Variants in NR4A3 observed in about 807,000 individuals in gnomAD.
NR4A3 encodes nuclear receptor subfamily 4 group A member 3.
A neutral mutation model predicts 55.6 loss-of-function variants in NR4A3; 13 were observed. The ratio of observed to expected loss-of-function variants is 0.23; its 90% confidence interval spans 0.15 to 0.37. NR4A3 has a LOEUF of 0.37. Among genes scored for constraint, NR4A3 ranks in the 10% least tolerant of loss-of-function variants. The pLI, the probability that NR4A3 is intolerant of heterozygous loss-of-function variation, is 1.00. For missense variants in NR4A3, 646 were observed against 822.8 expected, an observed-to-expected ratio of 0.79 and a Z score of 2.63; for synonymous variants, 342 against 357.9, an observed-to-expected ratio of 0.96 and a Z score of 0.50.
chr9:99,829,942 G>A (rs1239056389), intron 3 of NR4A3, among the ~76,000 whole-genome samples: 1 of 152,186 alleles, frequency 6.6e-6, no homozygotes, highest in African/African-American at 2.4e-5. Flanking sequence ...GATTTGTCCT[G>A]ACTCCTGAGT....
chr9:99,832,858 A>G, intron 4 of NR4A3, 40 bp downstream of exon 4: 7 of 1,409,762 alleles, frequency 5.0e-6, no homozygotes, highest in Non-Finnish European at 5.6e-6. Flanking sequence ...GCTTATACAT[A>G]TTATCAGAAA....
intron 7 of NR4A3, among the ~76,000 whole-genome samples, chr9:99,851,685 G>A (rs1827852294): frequency 6.6e-6 from 1 of 152,158 alleles, no homozygotes. Flanking sequence ...ACAGTGGTTG[G>A]CTTTCAAACG....
chr9:99,864,785 G>A lies in NR4A3; in HGVS notation c.*918G>A, dbSNP rs1163279966. 4.5e-6 allele frequency: 1 copy of A among 223,336 alleles called. No homozygotes were observed. The highest frequency in any genetic ancestry group is 9.0e-6 in the Non-Finnish European group (1 of 111,672). The allele number at this position is 223,336 out of a possible 1,614,324, so 13.8% of individuals were successfully genotyped here. ...ACCAGAGTTCCCTAAACTTGCTTCA[G>A]TTATAGTAACTGACTGGTATATTCA... On this transcript the variant is annotated 3_prime_UTR_variant, in exon 8 of 8. Coordinates refer to ENST00000395097, the MANE Select transcript of NR4A3 (RefSeq NM_006981.4).
chr9:99,851,137 C>T (rs1006531981), intron 7 of NR4A3, among the ~76,000 whole-genome samples: 3 of 152,184 alleles, frequency 2.0e-5, no homozygotes. Flanking sequence ...GTGGTTTTAG[C>T]CTACAACAAA....
At chr9:99,849,981 T>G (rs1827820223) in intron 7 of NR4A3, among the ~76,000 whole-genome samples, 1 of 152,174 alleles carries the variant, frequency 6.6e-6, no homozygotes, top group East Asian at 1.9e-4. Context: ...GCAGAGGATG[T>G]CTCCAGGCTA....
In NR4A3 at chr9:99,822,756, G is replaced by GGCGGCGGCGGCAGCGGCA. The variant is rs1827206206; in HGVS notation, c.-177+355_-177+372dup. 1.3e-5 allele frequency among the ~76,000 whole-genome samples: 2 copies of GGCGGCGGCGGCAGCGGCA among 152,138 alleles called. No individual in the cohort carries two copies. Among genetic ancestry groups the GGCGGCGGCGGCAGCGGCA allele is most frequent in the Admixed American group, 6.5e-5 (1 of 15,284 alleles). On this transcript the variant is annotated intron_variant, in intron 1 of 7. Coordinates refer to ENST00000395097, the MANE Select transcript of NR4A3 (RefSeq NM_006981.4). This position sits in a 1 kb window ranked among gnomAD's most constrained non-coding sequence, Gnocchi z 4.9. The stretch of plus-strand genomic sequence containing the variant: ...TGGTAATGATGCTCTCGGCGGCGGC[G>GGCGGCGGCGGCAGCGGCA]GCGGCGGCGGCAGCGGCAGCGGCAG...
chr9:99,832,763 C>T lies in NR4A3; in HGVS notation c.1026C>T (p.Asn342=). The stretch of plus-strand genomic sequence containing the variant: ...GCCCAGTAGACAAGAGACGTCGAAA[C>T]CGATGTCAGTACTGTCGATTTCAGA... ...KNCPVDKRRR[N]RCQYCRFQKC... The change falls in exon 4 of 8, where the codon AAC becomes AAT. Residue 342 remains asparagine, a synonymous_variant. Coordinates refer to ENST00000395097, the MANE Select transcript of NR4A3 (RefSeq NM_006981.4). 6.2e-7 allele frequency: 1 copy of T among 1,608,956 alleles called. No individual in the cohort carries two copies. Among genetic ancestry groups the T allele is most frequent in the Non-Finnish European group, 8.5e-7 (1 of 1,176,386 alleles).
intron 7 of NR4A3, among the ~76,000 whole-genome samples, chr9:99,856,512 C>T (rs772771014): frequency 4.6e-5 from 7 of 152,114 alleles, no homozygotes; most frequent in Non-Finnish European, 7.4e-5. Context: ...AGGCCATGGA[C>T]CAATACCAAT....
At chr9:99,857,561 C>T (rs576385503) in intron 7 of NR4A3, among the ~76,000 whole-genome samples, 2 of 151,858 alleles carry the variant, frequency 1.3e-5, no homozygotes, top group African/African-American at 2.4e-5. Context: ...CCAAGGCAGG[C>T]GGATCACAAG....
Position 99,862,822 on chromosome 9 carries a change from A to T in NR4A3, c.1634-798A>T, listed in dbSNP as rs549966989. Among the ~76,000 whole-genome samples the T allele has an allele frequency of 3.6e-3, 546 of 152,294 alleles. 5 individuals are homozygous for T. Among genetic ancestry groups the T allele is most frequent in the Middle Eastern group, 6.8e-3 (2 of 294 alleles). On this transcript the variant is annotated intron_variant, in intron 7 of 7. Coordinates refer to ENST00000395097, the MANE Select transcript of NR4A3 (RefSeq NM_006981.4). ...TTTTATATATTGTTTTGTAAAATAT[A>T]AGATACTGGTATTTGTGTCTTAATA...
chr9:99,865,842 GATA>G lies in NR4A3; in HGVS notation c.*1976_*1978del. On this transcript the variant is annotated 3_prime_UTR_variant, in exon 8 of 8. Coordinates refer to ENST00000395097, the MANE Select transcript of NR4A3 (RefSeq NM_006981.4). This position sits in a 1 kb window ranked among gnomAD's most constrained non-coding sequence, Gnocchi z 4.3. ...GATTGTTATTTTTATATATCAAGAT[GATA>G]GAACCTGGAATGTTAGGATTTTGAA... The G allele has an allele frequency of 4.7e-6, 1 of 212,174 alleles. No individual in the cohort carries two copies. Among genetic ancestry groups the G allele is most frequent in the Middle Eastern group, 1.6e-3 (1 of 640 alleles). The allele number at this position is 212,174 out of a possible 1,614,324, so 13.1% of individuals were successfully genotyped here.
chr9:99,827,957 G>A (rs1587871992), intron 2 of NR4A3, 84 bp from the exon 3 acceptor site: 1 of 1,485,488 alleles, frequency 6.7e-7, no homozygotes, highest in East Asian at 2.3e-5. Flanking sequence ...TCCCAGATTA[G>A]AGAACAGTGA....
chr9:99,845,973 A>C (rs535716563), intron 6 of NR4A3, among the ~76,000 whole-genome samples: 1 of 152,332 alleles, frequency 6.6e-6, no homozygotes, highest in South Asian at 2.1e-4. Flanking sequence ...GGCATGCAAC[A>C]AAGGATTAAG....
Position 99,828,175 on chromosome 9 carries a change from A to C in NR4A3, c.133A>C (p.Thr45Pro). 1.2e-6 allele frequency: 2 copies of C among 1,614,150 alleles called. No homozygotes were observed. Among genetic ancestry groups the C allele is most frequent in the Non-Finnish European group, 1.7e-6 (2 of 1,180,026 alleles). Residue 45 changes from threonine to proline, a missense_variant, in exon 3 of 8, where the codon ACT (threonine) becomes CCT (proline). By Grantham distance (38) the Thr-to-Pro change is conservative. Transcript: ENST00000395097. This position sits in a 1 kb window ranked among gnomAD's most constrained non-coding sequence, Gnocchi z 7.7. ...YTKLTMDLGS[T>P]EITATATTSL... Reference sequence around the variant, plus strand: ...CAAGCTGACCATGGACCTTGGCAGCACTGAGATCACGGCTACAGCCACCAC... The same window carrying C: ...CAAGCTGACCATGGACCTTGGCAGCCCTGAGATCACGGCTACAGCCACCAC...
intron 3 of NR4A3, 148 bp downstream of exon 3, chr9:99,829,141 C>T (rs1827390341): frequency 9.9e-7 from 1 of 1,009,394 alleles, no homozygotes; most frequent in Non-Finnish European, 1.3e-6. Flanking sequence ...AGCACCTTCA[C>T]ATCCATTTTC....
chr9:99,836,592 T>C (rs768457042), intron 5 of NR4A3, among the ~76,000 whole-genome samples: 5 of 152,178 alleles, frequency 3.3e-5, no homozygotes, highest in Non-Finnish European at 5.9e-5. Context: ...TTTGGTGAAA[T>C]TGGGTCACTC....
intron 5 of NR4A3, among the ~76,000 whole-genome samples, chr9:99,837,036 T>C (rs980361467): frequency 1.3e-5 from 2 of 152,220 alleles, no homozygotes; most frequent in South Asian, 4.1e-4. Flanking sequence ...AGGTTTTTTA[T>C]CTATTTTTAA....
rs1236803096 is a variant in NR4A3 at position 99,862,573 on chromosome 9, AAAAAAAAAAAG to A, written c.1634-1045_1634-1035del. ...TCAAAAAAAAAAAAAAAAAAAAAAA[AAAAAAAAAAAG>A]AGAGAGAAATGAGGCTCTGAAGTCT... is the stretch of plus-strand genomic sequence containing the variant. On this transcript the variant is annotated intron_variant, in intron 7 of 7. Transcript: ENST00000395097. 1.0e-3 allele frequency among the ~76,000 whole-genome samples: 117 copies of A among 117,458 alleles called. 3 individuals carry two copies. The highest frequency in any genetic ancestry group is 4.2e-3 in the African/African-American group (110 of 25,902). The allele number at this position is 117,458 out of a possible 152,430, so 77.1% of individuals were successfully genotyped here.
Position 99,828,864 on chromosome 9 carries a change from T to C in NR4A3, c.822T>C (p.Ser274=). Residue 274 remains serine, a synonymous_variant, in exon 3 of 8, where the codon AGT becomes AGC. Coordinates refer to ENST00000395097, the MANE Select transcript of NR4A3 (RefSeq NM_006981.4). This position sits in a 1 kb window ranked among gnomAD's most constrained non-coding sequence, Gnocchi z 7.7. Reference sequence around the variant, plus strand: ...CCGCGTCCAGCCTGCTGGGCGAGAGTCCCAGCCTGCCGTCGCCGCCCAGCA... The same window carrying C: ...CCGCGTCCAGCCTGCTGGGCGAGAGCCCCAGCCTGCCGTCGCCGCCCAGCA... The part of the protein sequence containing the change: ...SPTASSLLGE[S]PSLPSPPSRS... The C allele has an allele frequency of 6.7e-7, 1 of 1,496,322 alleles. No individual in the cohort carries two copies. The highest frequency in any genetic ancestry group is 2.1e-5 in the Admixed American group (1 of 47,248). The allele number at this position is 1,496,322 out of a possible 1,614,324, so 92.7% of individuals were successfully genotyped here. A position where few individuals can be genotyped will look rare whatever the true frequency, so the allele number is the denominator to read the frequency against.
Sources: gnomAD v4.1 joint callset for allele counts (sites outside exome capture counted in the v4.1 genomes callset) on GRCh38, gnomAD v4.1.1 for gene constraint, Gnocchi (gnomAD v3.1) non-coding constraint, MANE v1.5 for transcripts, NCBI Gene and HGNC (gene_info 2026-07-23, HGNC 2026-07-21) for gene names.